Variants in MOB3B observed in about 807,000 individuals in gnomAD.
The protein encoded by MOB3B is MOB kinase activator-like 2B.
Under a neutral mutation model 18.7 loss-of-function variants are expected in MOB3B, and 7 were observed. That is an observed-to-expected ratio of 0.37 (90% CI 0.21 to 0.70). The LOEUF is 0.70. MOB3B is among the 30% of genes least tolerant of loss of function. The pLI is 0.52. For synonymous variants in MOB3B, 111 were observed against 99.9 expected (o/e 1.11, Z -0.66); for missense variants, 253 against 281.3 (o/e 0.90, Z 0.72).
intron 3 of MOB3B, among the ~76,000 whole-genome samples, chr9:27,341,583 A>C (rs937026909): frequency 1.3e-5 from 2 of 152,218 alleles, no homozygotes; most frequent in Non-Finnish European, 2.9e-5. Flanking sequence ...TAATACAATG[A>C]GATCTCTTGC....
At chr9:27,529,501 G>C in intron 1 of MOB3B, 54 bp downstream of exon 1, 1 of 968,056 alleles carries the variant, frequency 1.0e-6, no homozygotes, top group East Asian at 1.1e-4. Flanking sequence ...GATCGGGAGC[G>C]AGCAGCCACC....
intron 2 of MOB3B, among the ~76,000 whole-genome samples, chr9:27,388,830 G>A (rs967226535): frequency 6.6e-6 from 1 of 151,866 alleles, no homozygotes. Flanking sequence ...AACATCCTCC[G>A]TGTCTTCTTC....
chr9:27,446,394 C>T (rs998513982), intron 2 of MOB3B, among the ~76,000 whole-genome samples: 5 of 152,186 alleles, frequency 3.3e-5, no homozygotes, highest in Non-Finnish European at 7.3e-5. Context: ...GCCACTTGTG[C>T]TATGCCTGTG....
chr9:27,519,985 C>A (rs1219136609), intron 1 of MOB3B, among the ~76,000 whole-genome samples: 2 of 152,252 alleles, frequency 1.3e-5, no homozygotes, highest in East Asian at 3.9e-4. Context: ...GGCCTGGACA[C>A]AAGGCTTCCT....
chr9:27,524,392 G>T (rs775181004), intron 1 of MOB3B: 1 of 1,613,642 alleles, frequency 6.2e-7, no homozygotes, highest in South Asian at 1.1e-5. Context: ...ATCCTTATGG[G>T]TATATTCATT....
At chr9:27,353,463 T>C (rs1457194080) in intron 3 of MOB3B, among the ~76,000 whole-genome samples, 3 of 152,198 alleles carry the variant, frequency 2.0e-5, no homozygotes, top group Non-Finnish European at 4.4e-5. Context: ...GAAACCCCTA[T>C]GGTCCAAGCA....
At chr9:27,466,836 G>A (rs1049647715) in intron 1 of MOB3B, among the ~76,000 whole-genome samples, 1 of 152,114 alleles carries the variant, frequency 6.6e-6, no homozygotes, top group African/African-American at 2.4e-5. Flanking sequence ...CCTACAATAT[G>A]TGGGAATTTT....
intron 2 of MOB3B, among the ~76,000 whole-genome samples, chr9:27,369,415 T>G (rs1446594009): frequency 6.6e-6 from 1 of 152,252 alleles, no homozygotes; most frequent in South Asian, 2.1e-4. Context: ...GCTCACCTCC[T>G]GCCTAGTTTA....
intron 1 of MOB3B, among the ~76,000 whole-genome samples, chr9:27,515,615 T>C (rs1820220219): frequency 6.6e-6 from 1 of 152,214 alleles, no homozygotes; most frequent in Non-Finnish European, 1.5e-5. Context: ...TACCAAAGAA[T>C]ACTTAAAGAC....
intron 1 of MOB3B, among the ~76,000 whole-genome samples, chr9:27,495,502 C>A (rs1363627009): frequency 3.3e-5 from 5 of 152,142 alleles, no homozygotes; most frequent in Admixed American, 3.3e-4. Context: ...TTTTCCCATG[C>A]CTGTTCCACT....
intron 1 of MOB3B, among the ~76,000 whole-genome samples, chr9:27,527,523 GA>G (rs1221825465): frequency 6.6e-6 from 1 of 152,202 alleles, no homozygotes; most frequent in African/African-American, 2.4e-5. Flanking sequence ...TTCGCAAAGG[GA>G]AAACTCTCAG....
chr9:27,465,737 C>T (rs1188216662), intron 1 of MOB3B, among the ~76,000 whole-genome samples: 4 of 152,204 alleles, frequency 2.6e-5, no homozygotes, highest in Non-Finnish European at 4.4e-5. Flanking sequence ...GACTTCTGTG[C>T]ACCCACAGGC....
intron 2 of MOB3B, among the ~76,000 whole-genome samples, chr9:27,432,888 C>T (rs896295554): frequency 6.6e-6 from 1 of 152,134 alleles, no homozygotes; most frequent in Non-Finnish European, 1.5e-5. Flanking sequence ...AGAAAGGAAG[C>T]TGTTTTCCAT....
chr9:27,433,014 C>A (rs1587209579), intron 2 of MOB3B, among the ~76,000 whole-genome samples: 1 of 151,848 alleles, frequency 6.6e-6, no homozygotes, highest in South Asian at 2.1e-4. Flanking sequence ...AGAATATTAT[C>A]TTTTCTTTAA....
rs766267632 is a variant in MOB3B at position 27,400,943 on chromosome 9, TC to T, written c.419-41708del. The stretch of plus-strand genomic sequence containing the variant: ...GTAGGACATCACAAGGTTCCTCATT[TC>T]CATTTAGTTGTGATACAAATTATTT... On this transcript the variant is annotated intron_variant, in intron 2 of 3. Coordinates refer to ENST00000262244, the MANE Select transcript of MOB3B (RefSeq NM_024761.5). Among the ~76,000 whole-genome samples, 52 of 152,358 alleles carry T rather than the reference TC, an allele frequency of 3.4e-4. 1 individual carries two copies. Among genetic ancestry groups the T allele is most frequent in the Admixed American group, 1.4e-3 (21 of 15,304 alleles).
intron 2 of MOB3B, among the ~76,000 whole-genome samples, chr9:27,359,940 T>C (rs867993462): frequency 6.6e-6 from 1 of 152,220 alleles, no homozygotes; most frequent in Non-Finnish European, 1.5e-5. Context: ...TGCACTGTCC[T>C]TAAGTGGTGA....
intron 2 of MOB3B, among the ~76,000 whole-genome samples, chr9:27,450,000 A>AC (rs1194445488): frequency 1.3e-5 from 2 of 151,956 alleles, no homozygotes; most frequent in Non-Finnish European, 2.9e-5. Flanking sequence ...AAAAAAAAAA[A>AC]AAACTTAAAA....
intron 2 of MOB3B, among the ~76,000 whole-genome samples, chr9:27,454,103 G>T (rs535524895): frequency 6.6e-6 from 1 of 152,152 alleles, no homozygotes; most frequent in Non-Finnish European, 1.5e-5. Context: ...TACATACTGC[G>T]TCAATCAATG....
intron 3 of MOB3B, among the ~76,000 whole-genome samples, chr9:27,336,250 C>A (rs73431175): frequency 9.2e-5 from 14 of 152,254 alleles, no homozygotes; most frequent in African/African-American, 3.1e-4. Flanking sequence ...AAGCAAACAA[C>A]ATTCTGCTTT....
Sources: gnomAD v4.1 joint callset for allele counts (sites outside exome capture counted in the v4.1 genomes callset) on GRCh38, gnomAD v4.1.1 for gene constraint, MANE v1.5 for transcripts, NCBI Gene and HGNC (gene_info 2026-07-23, HGNC 2026-07-21) for gene names.